The following RASGEF1A variants were observed in gnomAD, a reference collection of about 807,000 sequenced individuals.
RASGEF1A encodes the protein ras-GEF domain-containing family member 1A.
RASGEF1A carries 18 observed loss-of-function variants against 56.4 expected under a neutral mutation model. The ratio of observed to expected loss-of-function variants is 0.32; its 90% confidence interval spans 0.22 to 0.47. The LOEUF is 0.47. RASGEF1A is among the 20% of genes least tolerant of loss of function. The pLI is 1.00. For synonymous variants in RASGEF1A, 245 were observed against 242.6 expected, an observed-to-expected ratio of 1.01 and a Z score of -0.09; for missense variants, 422 against 627.1, an observed-to-expected ratio of 0.67 and a Z score of 3.49.
intron 1 of RASGEF1A, among the ~76,000 whole-genome samples, chr10:43,262,427 C>A (rs1434627992): frequency 1.3e-5 from 2 of 152,142 alleles, no homozygotes; most frequent in African/African-American, 4.8e-5. Context: ...ACCCCAGACA[C>A]CAGCCCCCCA....
intron 1 of RASGEF1A, among the ~76,000 whole-genome samples, chr10:43,250,475 C>T (rs1279306120): frequency 1.3e-5 from 2 of 152,252 alleles, no homozygotes; most frequent in Non-Finnish European, 1.5e-5. Context: ...TGCCCCACCC[C>T]ACCCAAGACG....
intron 4 of RASGEF1A, 118 bp from the exon 5 acceptor site, chr10:43,201,006 C>T (rs1370964963): frequency 1.1e-6 from 1 of 877,366 alleles, no homozygotes; most frequent in Admixed American, 2.2e-5. Context: ...CCCACAGCCC[C>T]TATCTAAACC....
chr10:43,233,742 C>T (rs1474670414), intron 1 of RASGEF1A, among the ~76,000 whole-genome samples: 3 of 152,202 alleles, frequency 2.0e-5, no homozygotes, highest in Admixed American at 6.5e-5. Flanking sequence ...ACACCAGGCC[C>T]AGAAATTCCA....
intron 1 of RASGEF1A, chr10:43,229,789 A>C: frequency 8.0e-7 from 1 of 1,256,526 alleles, no homozygotes; most frequent in Non-Finnish European, 1.0e-6. Flanking sequence ...GAGGGGTGGG[A>C]CCCCGGAAGC....
At chr10:43,209,309 G>A (rs919219104) in intron 1 of RASGEF1A, 8 of 698,404 alleles carry the variant, frequency 1.1e-5, no homozygotes, top group Non-Finnish European at 1.1e-5. Context: ...CAGACGAGGG[G>A]TGAGTACCTG....
chr10:43,221,340 C>T (rs1840204584), intron 1 of RASGEF1A, among the ~76,000 whole-genome samples: 1 of 152,220 alleles, frequency 6.6e-6, no homozygotes, highest in Non-Finnish European at 1.5e-5. Flanking sequence ...AACCTCCCCA[C>T]ATCAGTTAGT....
intron 1 of RASGEF1A, among the ~76,000 whole-genome samples, chr10:43,266,554 C>A (rs1242588034): frequency 6.6e-6 from 1 of 150,816 alleles, no homozygotes; most frequent in Non-Finnish European, 1.5e-5. Context: ...CCCGGCCCGG[C>A]CCGGCCCGGC....
intron 1 of RASGEF1A, among the ~76,000 whole-genome samples, chr10:43,216,905 C>T (rs1316755706): frequency 1.3e-5 from 2 of 152,136 alleles, no homozygotes; most frequent in Non-Finnish European, 2.9e-5. Flanking sequence ...CCATCAGGAC[C>T]GGTCAGATAG....
At chr10:43,198,263 C>T in intron 9 of RASGEF1A, 68 bp from the exon 10 acceptor site, 14 of 1,376,848 alleles carry the variant, frequency 1.0e-5, no homozygotes, top group South Asian at 6.9e-5. Flanking sequence ...CCAGATGCCC[C>T]TCTGCAGAGC....
At position 43,199,122 on chromosome 10, in the gene RASGEF1A, C is replaced by T. The variant is rs985514584; in HGVS notation, c.922G>A (p.Gly308Arg). 2 of 1,613,820 alleles carry T rather than the reference C, an allele frequency of 1.2e-6. No individual in the cohort carries two copies. Among genetic ancestry groups the T allele is most frequent in the East Asian group, 2.2e-5 (1 of 44,866 alleles). Residue 308 changes from glycine to arginine, a missense_variant, in exon 8 of 13, where the codon GGG becomes AGG. This residue lies in a region of RASGEF1A where 149 missense variants were observed against 287.2 expected (regional missense o/e 0.52). Transcript: ENST00000395810. ...ATGGCCATCATGGAGTTGAAGTTCC[C>T]GATGTTGAAGCACTCCCGGGCCACA... ...IDVARECFNI[G>R]NFNSMMAIIS...
In RASGEF1A at chr10:43,200,307, G is replaced by A. The variant is rs774521257; in HGVS notation, c.682-51C>T. On this transcript the variant is annotated intron_variant, in intron 5 of 12. Transcript: ENST00000395810. ...GGTGACAAGCTTCCCCTGGAGAAGG[G>A]ACAGCACTGCATAGGCATGCGGACA... is the stretch of plus-strand genomic sequence containing the variant. 1.1e-5 allele frequency: 17 copies of A among 1,481,596 alleles called. No homozygotes were observed. In the South Asian group the frequency reaches 2.0e-4, roughly 18 times the overall value. The allele number at this position is 1,481,596 out of a possible 1,614,324, so 91.8% of individuals were successfully genotyped here.
At chr10:43,233,511 T>G (rs1017018484) in intron 1 of RASGEF1A, among the ~76,000 whole-genome samples, 1 of 152,148 alleles carries the variant, frequency 6.6e-6, no homozygotes. Context: ...CAAGGGGTGA[T>G]AGGCCTAAGA....
chr10:43,248,364 T>TAAAA (rs34561814), intron 1 of RASGEF1A, among the ~76,000 whole-genome samples: 1 of 111,382 alleles, frequency 9.0e-6, no homozygotes, highest in African/African-American at 3.4e-5. Context: ...ACTCGGTCTT[T>TAAAA]AAAAAAAAAA....
rs374472625 is a variant in RASGEF1A at position 43,199,658 on chromosome 10, T to C, written c.849+18A>G. 1,139 of 1,601,724 alleles carry C rather than the reference T, an allele frequency of 7.1e-4. 20 individuals carry two copies. In the South Asian group the frequency reaches 0.012, roughly 17 times the overall value. On this transcript the variant is annotated intron_variant, in intron 7 of 12. Coordinates refer to ENST00000395810, the MANE Select transcript of RASGEF1A (RefSeq NM_145313.4). ...TGGGCATGGCAGCCACCCCACCATG[T>C]CTGCCATGGGCACTTACCCGGCACA...
chr10:43,231,792 T>C (rs1377697299), intron 1 of RASGEF1A, among the ~76,000 whole-genome samples: 1 of 152,218 alleles, frequency 6.6e-6, no homozygotes, highest in East Asian at 1.9e-4. Context: ...GGCGTCCTGC[T>C]TGCATCCCTG....
At chr10:43,209,276 A>G (rs1840034547) in intron 1 of RASGEF1A, 1 of 938,116 alleles carries the variant, frequency 1.1e-6, no homozygotes, top group Non-Finnish European at 1.3e-6. Flanking sequence ...CTATGCTCCC[A>G]GAGAACCCGT....
Position 43,198,876 on chromosome 10 carries a change from G to A in RASGEF1A, c.1032+57C>T. On this transcript the variant is annotated intron_variant, in intron 9 of 12. Transcript: ENST00000395810. Reference sequence around the variant, plus strand: ...CCCCCACTGTCAGGGCCCCCTTCGGGCCATTGCGGGACGAAATGGGTGCAG... The same window carrying A: ...CCCCCACTGTCAGGGCCCCCTTCGGACCATTGCGGGACGAAATGGGTGCAG... The A allele has an allele frequency of 3.3e-6, 5 of 1,509,542 alleles. No homozygotes were observed. In the East Asian group the frequency reaches 1.1e-4, roughly 34 times the overall value. 93.5% of individuals were successfully genotyped at this position (1,509,542 alleles called of 1,614,324 possible). A position where few individuals can be genotyped will look rare whatever the true frequency, so the allele number is the denominator to read the frequency against.
intron 1 of RASGEF1A, among the ~76,000 whole-genome samples, chr10:43,215,973 A>G (rs1840131703): frequency 6.6e-6 from 1 of 152,216 alleles, no homozygotes; most frequent in Admixed American, 6.5e-5. Context: ...AGTGGACAGA[A>G]GCGCTGGCGC....
intron 1 of RASGEF1A, chr10:43,207,032 A>G (rs1042667727): frequency 8.1e-6 from 8 of 985,528 alleles, no homozygotes; most frequent in Non-Finnish European, 9.6e-6. Context: ...GGGGAGTCTG[A>G]AGCCCTCTGG....
Sources: gnomAD v4.1 joint callset for allele counts (sites outside exome capture counted in the v4.1 genomes callset) on GRCh38, gnomAD v4.1.1 for gene constraint, gnomAD v4.1.1 regional missense constraint, MANE v1.5 for transcripts, NCBI Gene and HGNC (gene_info 2026-07-23, HGNC 2026-07-21) for gene names.